The following KATNBL1 variants were observed in gnomAD, a reference collection of about 807,000 sequenced individuals.
KATNBL1 encodes the protein KATNB1-like protein 1.
KATNBL1 carries 28 observed loss-of-function variants against 44.7 expected under a neutral mutation model. The ratio of observed to expected loss-of-function variants is 0.63; its 90% CI spans 0.46 to 0.86. The LOEUF is 0.86. Among genes scored for constraint, KATNBL1 ranks in the 40% least tolerant of loss-of-function variants. The probability of loss-of-function intolerance (pLI) is 0.00; values close to 1 mark genes in which losing one functional copy is unlikely to be tolerated. For synonymous variants in KATNBL1, 78 were observed against 114.9 expected (o/e 0.68, Z 2.06); for missense variants, 272 against 350.7 (o/e 0.78, Z 1.79).
intron 1 of KATNBL1, among the ~76,000 whole-genome samples, chr15:34,179,626 A>AC (rs1474005302): frequency 6.6e-6 from 1 of 152,116 alleles, no homozygotes; most frequent in Non-Finnish European, 1.5e-5. Flanking sequence ...ACAACATCCC[A>AC]CCTGGCAAGC....
chr15:34,151,934 G>A (rs1288055734), intron 4 of KATNBL1, among the ~76,000 whole-genome samples: 1 of 148,922 alleles, frequency 6.7e-6, no homozygotes, highest in African/African-American at 2.5e-5. Context: ...ACTGGCTTCG[G>A]TGGTCCACTT....
chr15:34,181,791 TATATCCATATATATACATATATAC>T (rs1337892571), intron 1 of KATNBL1, among the ~76,000 whole-genome samples: 12 of 116,296 alleles, frequency 1.0e-4, no homozygotes, highest in Admixed American at 3.4e-4. Context: ...TGTCCATATA[TATATCCATATATATACATATATAC>T]ATGTCCATAT....
intron 1 of KATNBL1, among the ~76,000 whole-genome samples, chr15:34,186,695 T>A (rs1293120078): frequency 2.0e-5 from 3 of 152,196 alleles, no homozygotes; most frequent in Non-Finnish European, 4.4e-5. Flanking sequence ...CCCTGCAGGC[T>A]CAGGGGTGTC....
chr15:34,173,727 A>G (rs978780097), intron 1 of KATNBL1, among the ~76,000 whole-genome samples: 1 of 152,210 alleles, frequency 6.6e-6, no homozygotes, highest in African/African-American at 2.4e-5. Flanking sequence ...TTAATTTATA[A>G]TAACTACTTG....
At chr15:34,202,979 ACT>A (rs1490692709) in intron 1 of KATNBL1, among the ~76,000 whole-genome samples, 2 of 152,052 alleles carry the variant, frequency 1.3e-5, no homozygotes, top group African/African-American at 4.8e-5. Flanking sequence ...CGACAGCAAG[ACT>A]CTGTCTCAAA....
At chr15:34,179,304 A>G (rs562339472) in intron 1 of KATNBL1, among the ~76,000 whole-genome samples, 1 of 152,202 alleles carries the variant, frequency 6.6e-6, no homozygotes, top group Non-Finnish European at 1.5e-5. Context: ...CAAAAGGGCC[A>G]AAGTTACTTT....
intron 4 of KATNBL1, among the ~76,000 whole-genome samples, chr15:34,151,435 A>ATTTTTTTTTTTT (rs1491367010): frequency 1.6e-5 from 1 of 63,826 alleles, no homozygotes; most frequent in South Asian, 4.6e-4. Flanking sequence ...TCCTTTGCCT[A>ATTTTTTTTTTTT]CTTTTTTTTT....
intron 1 of KATNBL1, among the ~76,000 whole-genome samples, chr15:34,179,138 T>C (rs1889441051): frequency 6.6e-6 from 1 of 152,218 alleles, no homozygotes; most frequent in African/African-American, 2.4e-5. Context: ...TACAACAGAA[T>C]AGCTGAGACT....
At chr15:34,192,220 C>T (rs1474528375) in intron 1 of KATNBL1, among the ~76,000 whole-genome samples, 1 of 151,764 alleles carries the variant, frequency 6.6e-6, no homozygotes, top group Non-Finnish European at 1.5e-5. Flanking sequence ...CCAGCTAACA[C>T]GGTGAAACCC....
At chr15:34,200,571 T>C (rs938138355) in intron 1 of KATNBL1, among the ~76,000 whole-genome samples, 4 of 151,954 alleles carry the variant, frequency 2.6e-5, no homozygotes, top group Non-Finnish European at 4.4e-5. Context: ...CACCACTTTC[T>C]CTTAATTCAG....
At position 34,157,597 on chromosome 15, in the gene KATNBL1, G is replaced by A. The variant is rs545337618; in HGVS notation, c.118-2913C>T. Among the ~76,000 whole-genome samples the A allele has an allele frequency of 5.6e-4, 86 of 152,296 alleles. 2 individuals are homozygous for A. The South Asian group carries it at 0.016, about 29-fold the overall frequency. ...TTTCGAACATGGGAATGTCAGCAGC[G>A]GAGTGCAAATAGAGCAACTTACACA... is the stretch of plus-strand genomic sequence containing the variant. On this transcript the variant is annotated intron_variant, in intron 2 of 9. Transcript: ENST00000256544.
chr15:34,195,011 T>C (rs752279225), intron 1 of KATNBL1, among the ~76,000 whole-genome samples: 4 of 152,182 alleles, frequency 2.6e-5, no homozygotes, highest in Non-Finnish European at 5.9e-5. Flanking sequence ...TGTAAATTAG[T>C]ACAACCTCTA....
rs539916745 is a variant in KATNBL1, at chr15:34,203,070, T to C, written c.-15+6881A>G. ...TGGATTCAAATCTCCAACTGCCTACTAGCCAGCTCCACATGGATATCCAAT... is the reference window on the plus strand; with the variant it reads ...TGGATTCAAATCTCCAACTGCCTACCAGCCAGCTCCACATGGATATCCAAT... On this transcript the variant is annotated intron_variant, in intron 1 of 9. Coordinates refer to ENST00000256544, the MANE Select transcript of KATNBL1 (RefSeq NM_024713.3). Among the ~76,000 whole-genome samples the C allele has an allele frequency of 7.9e-5, 12 of 152,298 alleles. No individual in the cohort carries two copies. In the South Asian group the frequency reaches 2.1e-3, roughly 26 times the overall value.
At chr15:34,173,716 ATTAAT>A (rs1411697132) in intron 1 of KATNBL1, among the ~76,000 whole-genome samples, 1 of 152,298 alleles carries the variant, frequency 6.6e-6, no homozygotes, top group East Asian at 1.9e-4. Context: ...CAAAAATGAA[ATTAAT>A]TTATAATAAC....
At chr15:34,153,306 A>C (rs1370249087) in intron 3 of KATNBL1, among the ~76,000 whole-genome samples, 1 of 152,250 alleles carries the variant, frequency 6.6e-6, no homozygotes, top group Admixed American at 6.5e-5. Flanking sequence ...GAAGACAGAC[A>C]TAATAACCAG....
chr15:34,153,188 A>C, intron 3 of KATNBL1, 119 bp from the exon 4 acceptor site: 1 of 599,342 alleles, frequency 1.7e-6, no homozygotes, highest in Non-Finnish European at 2.7e-6. Context: ...ATTAGAAATA[A>C]ATAGAATTTT....
In KATNBL1 at chr15:34,140,960, G is replaced by C. The variant is rs570960599; in HGVS notation, c.*1379C>G. ...AGAGCAAGAAATCTGCTTGAGATTC[G>C]TATCAGTAGTCATTAAACGAATAAA... is the stretch of plus-strand genomic sequence containing the variant. On this transcript the variant is annotated 3_prime_UTR_variant, in exon 10 of 10. Coordinates refer to ENST00000256544, the MANE Select transcript of KATNBL1 (RefSeq NM_024713.3). 1.3e-5 allele frequency: 2 copies of C among 152,116 alleles called. No individual in the cohort carries two copies. The highest frequency in any genetic ancestry group is 3.8e-4 in the East Asian group (2 of 5,202). The allele number at this position is 152,116 out of a possible 1,614,324, so 9.4% of individuals were successfully genotyped here.
Position 34,183,452 on chromosome 15 carries a change from G to A in KATNBL1, c.-14-19762C>T, listed in dbSNP as rs78081399. 9.2e-3 allele frequency among the ~76,000 whole-genome samples: 1,405 copies of A among 152,308 alleles called. 17 individuals carry two copies. Among genetic ancestry groups the A allele is most frequent in the African/African-American group, 0.032 (1,313 of 41,572 alleles). Reference sequence around the variant, plus strand: ...ATCCGAATTTTTAAAGGCTGGTGCAGCTAAAAAGATTAGGTCAAACAGATC... The same window carrying A: ...ATCCGAATTTTTAAAGGCTGGTGCAACTAAAAAGATTAGGTCAAACAGATC... On this transcript the variant is annotated intron_variant, in intron 1 of 9. Coordinates refer to ENST00000256544, the MANE Select transcript of KATNBL1 (RefSeq NM_024713.3).
intron 1 of KATNBL1, among the ~76,000 whole-genome samples, chr15:34,180,093 T>C (rs1238568787): frequency 1.3e-5 from 2 of 152,176 alleles, no homozygotes; most frequent in Non-Finnish European, 2.9e-5. Context: ...AAATCTTTGA[T>C]TTCTCCCTTT....
Sources: gnomAD v4.1 joint callset for allele counts (sites outside exome capture counted in the v4.1 genomes callset) on GRCh38, gnomAD v4.1.1 for gene constraint, MANE v1.5 for transcripts, NCBI Gene and HGNC (gene_info 2026-07-23, HGNC 2026-07-21) for gene names.